The following GEMIN4 variants were observed in gnomAD, a reference collection of about 807,000 sequenced individuals.
GEMIN4 encodes gem-associated protein 4.
GEMIN4 carries 59 observed loss-of-function variants against 76.8 expected under a neutral mutation model. The observed-to-expected ratio is 0.77, with a 90% CI of 0.62 to 0.95. GEMIN4 has a LOEUF of 0.95. Ranked by LOEUF, GEMIN4 falls within the 40% of genes least tolerant of loss-of-function variation. The pLI, the probability that GEMIN4 is intolerant of heterozygous loss-of-function variation, is 0.00. For synonymous variants in GEMIN4, 562 were observed against 559.7 expected (o/e 1.00, Z -0.06); for missense variants, 1,311 against 1,318.9 (o/e 0.99, Z 0.09).
Position 745,226 on chromosome 17 carries a change from C to G in GEMIN4, c.2817G>C (p.Val939=), listed in dbSNP as rs1218564962. ...TCAGACTGCCACAGAGGAGTTTGAC[C>G]ACGTGGTTCCAGCCTTCCAGAGGAA... ...DWLPLEGWNH[V]VKLLCGSLTR... The change falls in exon 2 of 2, where the codon GTG becomes GTC. Residue 939 remains valine (V), a synonymous_variant. Coordinates refer to ENST00000319004, the MANE Select transcript of GEMIN4 (RefSeq NM_015721.3). The surrounding 1 kb of genome is among the most constrained non-coding windows in gnomAD (Gnocchi z 4.6). 1 of 1,609,198 alleles carries G rather than the reference C, an allele frequency of 6.2e-7. No individual in the cohort carries two copies.
chr17:744,613 C>T lies in GEMIN4; in HGVS notation c.*253G>A, dbSNP rs1597549365. The stretch of plus-strand genomic sequence containing the variant: ...ATTGCTGAGGCCGACTTAGAAGAGA[C>T]AAAGTGAGATGCGAAAGAGGAGAAT... On this transcript the variant is annotated 3_prime_UTR_variant, in exon 2 of 2. Transcript: ENST00000319004. The T allele has an allele frequency of 2.4e-6, 1 of 410,268 alleles. No individual in the cohort carries two copies. Among genetic ancestry groups the T allele is most frequent in the East Asian group, 4.2e-5 (1 of 23,728 alleles). 25.4% of individuals were successfully genotyped at this position (410,268 alleles called of 1,614,324 possible).
chr17:746,080 A>C lies in GEMIN4; in HGVS notation c.1963T>G (p.Phe655Val). 6.2e-7 allele frequency: 1 copy of C among 1,613,908 alleles called. No homozygotes were observed. The highest frequency in any genetic ancestry group is 1.1e-5 in the South Asian group (1 of 91,076). The change falls in exon 2 of 2, where the codon TTT (phenylalanine) becomes GTT (valine). Residue 655 changes from phenylalanine to valine, a missense_variant. By Grantham distance (50) the Phe-to-Val change is conservative. Around this residue, in one of 2 missense-constraint regions of GEMIN4, gnomAD observed 1,208 missense variants for 1,166.9 expected, o/e 1.04. Transcript: ENST00000319004. The surrounding 1 kb of genome is among the most constrained non-coding windows in gnomAD (Gnocchi z 4.3). ...TCTAACCTCAAGAAAGGCAGGACAA[A>C]TTCCTTCAGCACCTCGTCTGGCTCA... The part of the protein sequence containing the change: ...LLEPDEVLKE[F>V]VLPFLRLDVE...
Position 744,800 on chromosome 17 carries a change from G to T in GEMIN4, c.*66C>A. 1.3e-6 allele frequency: 2 copies of T among 1,508,302 alleles called. No homozygotes were observed. The highest frequency in any genetic ancestry group is 1.8e-6 in the Non-Finnish European group (2 of 1,131,940). 93.4% of individuals were successfully genotyped at this position (1,508,302 alleles called of 1,614,324 possible). A position where few individuals can be genotyped will look rare whatever the true frequency, so the allele number is the denominator to read the frequency against. On this transcript the variant is annotated 3_prime_UTR_variant, in exon 2 of 2. Transcript: ENST00000319004. ...GTTGAAGCCCAGCTTTTTCGCTCCC[G>T]CACAGGTAAGAAGCTGCTGATCTTC...
In GEMIN4 at chr17:746,761, C is replaced by T. The variant is rs1023891833; in HGVS notation, c.1282G>A (p.Glu428Lys). ...HMEVCYIFAS[E>K]KKWAFSDEWV... ...TCGTCCGAGAAGGCCCACTTCTTCT[C>T]AGAGGCAAAAATGTAGCACACTTCC... Residue 428 changes from glutamate to lysine, a missense_variant, in exon 2 of 2, where the codon GAG becomes AAG. This residue lies in a region of GEMIN4 where 1,208 missense variants were observed against 1,166.9 expected (regional missense o/e 1.04). Coordinates refer to ENST00000319004, the MANE Select transcript of GEMIN4 (RefSeq NM_015721.3). This position sits in a 1 kb window ranked among gnomAD's most constrained non-coding sequence, Gnocchi z 4.3. The T allele has an allele frequency of 6.2e-7, 1 of 1,613,762 alleles. No homozygotes were observed.
Position 744,558 on chromosome 17 carries a change from C to T in GEMIN4, c.*308G>A, listed in dbSNP as rs1293506107. The T allele has an allele frequency of 1.1e-5, 3 of 264,360 alleles. No individual in the cohort carries two copies. Among genetic ancestry groups the T allele is most frequent in the Non-Finnish European group, 2.2e-5 (3 of 139,038 alleles). The allele number at this position is 264,360 out of a possible 1,614,324, so 16.4% of individuals were successfully genotyped here. ...GGATTTGATCTTGAAGACACTAAACCCAATTTCAGAGCATATTTAATCCTG... is the reference window on the plus strand; with the variant it reads ...GGATTTGATCTTGAAGACACTAAACTCAATTTCAGAGCATATTTAATCCTG... On this transcript the variant is annotated 3_prime_UTR_variant, in exon 2 of 2. Coordinates refer to ENST00000319004, the MANE Select transcript of GEMIN4 (RefSeq NM_015721.3).
intron 1 of GEMIN4, chr17:748,757 T>C: frequency 5.1e-6 from 1 of 197,256 alleles, no homozygotes; most frequent in Admixed American, 6.7e-5. Flanking sequence ...AGCCACAGGG[T>C]AATGGGCACA....
At chr17:751,136 C>A (rs1256197400) in intron 1 of GEMIN4, among the ~76,000 whole-genome samples, 1 of 152,160 alleles carries the variant, frequency 6.6e-6, no homozygotes, top group Non-Finnish European at 1.5e-5. Context: ...CCACAGCCCG[C>A]TTCTTAGGTT....
In GEMIN4 at chr17:748,020, A is replaced by G. The variant is rs369765994; in HGVS notation, c.23T>C (p.Ile8Thr). Reference protein sequence around the residue: MDLGPLNICEEMTILHGG... With the variant: MDLGPLNTCEEMTILHGG... ...ATGCAGAATAGTCATTTCTTCACAG[A>G]TGTTCAAGGGTCCTGCACACAGACA... Residue 8 changes from isoleucine (I) to threonine (T), a missense_variant, in exon 2 of 2, where the codon ATC becomes ACC. Ile to Thr is a moderately conservative substitution (Grantham distance 89). Coordinates refer to ENST00000319004, the MANE Select transcript of GEMIN4 (RefSeq NM_015721.3). The G allele has an allele frequency of 6.2e-7, 1 of 1,605,372 alleles. No homozygotes were observed. Among genetic ancestry groups the G allele is most frequent in the Non-Finnish European group, 8.5e-7 (1 of 1,176,022 alleles).
Position 746,912 on chromosome 17 carries a change from A to G in GEMIN4, c.1131T>C (p.Ser377=). 6.2e-7 allele frequency: 1 copy of G among 1,613,206 alleles called. No individual in the cohort carries two copies. Among genetic ancestry groups the G allele is most frequent in the Non-Finnish European group, 8.5e-7 (1 of 1,179,322 alleles). ...AGTCCCTGACACACTCCGCCAGCTCAGAGACCACCTGCCTGTCCTCCTTGG... is the reference window on the plus strand; with the variant it reads ...AGTCCCTGACACACTCCGCCAGCTCGGAGACCACCTGCCTGTCCTCCTTGG... The part of the protein sequence containing the change: ...SLSKEDRQVV[S]ELAECVRDFL... The change falls in exon 2 of 2, where the codon TCT becomes TCC. Residue 377 remains serine, a synonymous_variant. Transcript: ENST00000319004. The surrounding 1 kb of genome is among the most constrained non-coding windows in gnomAD (Gnocchi z 4.3).
chr17:746,942 G>GA lies in GEMIN4; in HGVS notation c.1100_1101insT (p.Leu368ProfsTer11). 6.2e-7 allele frequency: 1 copy of GA among 1,613,594 alleles called. No individual in the cohort carries two copies. On this transcript the variant is annotated frameshift_variant, in exon 2 of 2. Transcript: ENST00000319004. LOFTEE classifies it high-confidence loss of function. This position sits in a 1 kb window ranked among gnomAD's most constrained non-coding sequence, Gnocchi z 4.3. Reference sequence around the variant, plus strand: ...CCACCTGCCTGTCCTCCTTGGACAGGCTGGTGCGGTTCAGGTAGAGCGTCG... The same window carrying GA: ...CCACCTGCCTGTCCTCCTTGGACAGGACTGGTGCGGTTCAGGTAGAGCGTCG...
At position 746,592 on chromosome 17, in the gene GEMIN4, A is replaced by G. The variant is rs1974424985; in HGVS notation, c.1451T>C (p.Leu484Pro). 6.2e-7 allele frequency: 1 copy of G among 1,613,524 alleles called. No homozygotes were observed. The highest frequency in any genetic ancestry group is 2.2e-5 in the East Asian group (1 of 44,890). ...CAGGGAGAGGTCTGCGTAACATTCC[A>G]GGATCAGGTGGATCACCTGCCGGAT... ...SQIRQVIHLI[L>P]ECYADLSLPG... The change falls in exon 2 of 2, where the codon CTG becomes CCG. Residue 484 changes from leucine to proline, a missense_variant. Physicochemically the swap from Leu to Pro is moderately conservative, Grantham distance 98. Around this residue, in one of 2 missense-constraint regions of GEMIN4, gnomAD observed 1,208 missense variants for 1,166.9 expected, o/e 1.04. Transcript: ENST00000319004. The surrounding 1 kb of genome is among the most constrained non-coding windows in gnomAD (Gnocchi z 4.3).
chr17:752,518 A>G, upstream of GEMIN4: 1 of 437,740 alleles, frequency 2.3e-6, no homozygotes, highest in Non-Finnish European at 3.4e-6. Flanking sequence ...CCCCGCACAC[A>G]GTTCACCCCC....
chr17:751,578 A>G (rs1904689479), intron 1 of GEMIN4: 1 of 152,370 alleles, frequency 6.6e-6, no homozygotes, highest in Non-Finnish European at 1.5e-5. Flanking sequence ...GCAGGTTCAC[A>G]AAGTGATACC....
Position 752,164 on chromosome 17 carries a change from GC to G in GEMIN4, c.-23del. On this transcript the variant is annotated 5_prime_UTR_variant, in exon 1 of 2. Coordinates refer to ENST00000319004, the MANE Select transcript of GEMIN4 (RefSeq NM_015721.3). ...CCATGGCGGCGACGCCGGCGGCTGC[GC>G]GGGGCTAACGCCCCCTCCCCTCCGA... 1 of 1,233,936 alleles carries G rather than the reference GC, an allele frequency of 8.1e-7. No individual in the cohort carries two copies. The highest frequency in any genetic ancestry group is 1.0e-6 in the Non-Finnish European group (1 of 988,118). The allele number at this position is 1,233,936 out of a possible 1,614,324, so 76.4% of individuals were successfully genotyped here.
At position 745,148 on chromosome 17, in the gene GEMIN4, T is replaced by C; in HGVS notation, c.2895A>G (p.Gln965=). Residue 965 remains glutamine, a synonymous_variant, in exon 2 of 2, where the codon CAA becomes CAG. Transcript: ENST00000319004. This position sits in a 1 kb window ranked among gnomAD's most constrained non-coding sequence, Gnocchi z 4.6. The part of the protein sequence containing the change: ...RAIQAAGPWV[Q]GPEQDLTQEA... ...CCTGGGTCAGGTCCTGCTCTGGTCC[T>C]TGAACCCAAGGGCCAGCTGCCTGTA... 1 of 1,606,910 alleles carries C rather than the reference T, an allele frequency of 6.2e-7. No homozygotes were observed.
chr17:752,852 C>T (rs1239385763), upstream of GEMIN4: 1 of 154,886 alleles, frequency 6.5e-6, no homozygotes, highest in Non-Finnish European at 1.4e-5. Flanking sequence ...CCACCTCCAG[C>T]TTCTAGCACC....
rs1456763284 is a variant in GEMIN4, at chr17:747,081, T to C, written c.962A>G (p.His321Arg). The C allele has an allele frequency of 2.5e-6, 4 of 1,613,478 alleles. No individual in the cohort carries two copies. The African/African-American group carries it at 5.3e-5, about 22-fold the overall frequency. The part of the protein sequence containing the change: ...ETIFVGCEFL[H>R]HLLREWGEEL... ...CTCCCCCCACTCCCGCAGCAGGTGGTGCAGGAACTCGCAGCCCACGAAAAT... is the reference window on the plus strand; with the variant it reads ...CTCCCCCCACTCCCGCAGCAGGTGGCGCAGGAACTCGCAGCCCACGAAAAT... Residue 321 changes from histidine (H) to arginine (R), a missense_variant, in exon 2 of 2, where the codon CAC becomes CGC. Transcript: ENST00000319004.
At position 746,498 on chromosome 17, in the gene GEMIN4, CA is replaced by C; in HGVS notation, c.1544del (p.Leu515CysfsTer40). ...CCTGAAAACCCTCCACATAAGCCAGCAACTTTTCAGAGAGGCCCTTTCGCCC... is the reference window on the plus strand; with the variant it reads ...CCTGAAAACCCTCCACATAAGCCAGCACTTTTCAGAGAGGCCCTTTCGCCC... ...SWGRKGLSEK[L>X]LAYVEGFQED... On this transcript the variant is annotated frameshift_variant, in exon 2 of 2. Coordinates refer to ENST00000319004, the MANE Select transcript of GEMIN4 (RefSeq NM_015721.3). LOFTEE classifies it high-confidence loss of function. The surrounding 1 kb of genome is among the most constrained non-coding windows in gnomAD (Gnocchi z 4.3). 1 of 1,613,996 alleles carries C rather than the reference CA, an allele frequency of 6.2e-7. No homozygotes were observed. Among genetic ancestry groups the C allele is most frequent in the African/African-American group, 1.3e-5 (1 of 75,048 alleles).
Position 745,474 on chromosome 17 carries a change from G to C in GEMIN4, c.2569C>G (p.Leu857Val), listed in dbSNP as rs1974358452. The change falls in exon 2 of 2, where the codon CTG becomes GTG. Residue 857 changes from leucine to valine, a missense_variant. By Grantham distance (32) the Leu-to-Val change is conservative (BLOSUM62 1). This residue lies in a region of GEMIN4 where 1,208 missense variants were observed against 1,166.9 expected (regional missense o/e 1.04). Coordinates refer to ENST00000319004, the MANE Select transcript of GEMIN4 (RefSeq NM_015721.3). This position sits in a 1 kb window ranked among gnomAD's most constrained non-coding sequence, Gnocchi z 4.6. ...RLFSKGFLVA[L>V]VQVMPWCSPQ... The stretch of plus-strand genomic sequence containing the variant: ...CTGCACCAAGGCATGACTTGCACCA[G>C]GGCCACCAGAAAGCCTTTGCTGAAC... 6.2e-7 allele frequency: 1 copy of C among 1,612,086 alleles called. No individual in the cohort carries two copies. Among genetic ancestry groups the C allele is most frequent in the Non-Finnish European group, 8.5e-7 (1 of 1,179,846 alleles).
Sources: gnomAD v4.1 joint callset for allele counts (sites outside exome capture counted in the v4.1 genomes callset) on GRCh38, gnomAD v4.1.1 for gene constraint, gnomAD v4.1.1 regional missense constraint, Gnocchi (gnomAD v3.1) non-coding constraint, MANE v1.5 for transcripts, NCBI Gene and HGNC (gene_info 2026-07-23, HGNC 2026-07-21) for gene names.